COL5A1: variants seen among roughly 807,000 people sequenced by gnomAD.
The protein encoded by COL5A1 is collagen alpha-1(V) chain.
A neutral mutation model predicts 263.7 loss-of-function variants in COL5A1; 16 were observed. The ratio of observed to expected loss-of-function variants is 0.06; its 90% CI spans 0.04 to 0.09. The LOEUF (loss-of-function observed/expected upper bound fraction) is 0.09, where lower values mean the gene tolerates loss of function less well. Ranked by LOEUF, COL5A1 falls within the 10% of genes least tolerant of loss-of-function variation. COL5A1 has a pLI of 1.00. For synonymous variants in COL5A1, 1,012 were observed against 1,004.5 expected, an observed-to-expected ratio of 1.01 and a Z score of -0.14; for missense variants, 2,036 against 2,540.5, an observed-to-expected ratio of 0.80 and a Z score of 4.27.
chr9:134,779,707 G>A (rs1477850403), intron 27 of COL5A1, among the ~76,000 whole-genome samples: 2 of 152,208 alleles, frequency 1.3e-5, no homozygotes, highest in African/African-American at 4.8e-5. Context: ...ACCTAATCAA[G>A]TCTGCCTTAG....
chr9:134,744,591 A>G (rs533964672), intron 11 of COL5A1, among the ~76,000 whole-genome samples: 2 of 150,170 alleles, frequency 1.3e-5, no homozygotes, highest in Admixed American at 6.6e-5. Flanking sequence ...ACACTTACAC[A>G]TGCACACTCA....
chr9:134,765,181 GT>G lies in COL5A1; in HGVS notation c.2035-498del, dbSNP rs1836612802. Among the ~76,000 whole-genome samples the G allele has an allele frequency of 1.3e-5, 2 of 152,288 alleles. No homozygotes were observed. Among genetic ancestry groups the G allele is most frequent in the South Asian group, 4.1e-4 (2 of 4,824 alleles). ...CTCCTTCTGCACATTCAGTCTTGGGGTTCCCACCAGGGACTAGTTTCACCTG... is the reference window on the plus strand; with the variant it reads ...CTCCTTCTGCACATTCAGTCTTGGGGTCCCACCAGGGACTAGTTTCACCTG... On this transcript the variant is annotated intron_variant, in intron 20 of 65. Transcript: ENST00000371817. This position sits in a 1 kb window ranked among gnomAD's most constrained non-coding sequence, Gnocchi z 5.1.
intron 64 of COL5A1, among the ~76,000 whole-genome samples, chr9:134,834,246 G>A (rs1200862037): frequency 6.6e-6 from 1 of 152,214 alleles, no homozygotes; most frequent in Non-Finnish European, 1.5e-5. Context: ...CCCCGACCCA[G>A]CGATCGGGTG....
At chr9:134,643,629 G>C (rs968181027) in intron 1 of COL5A1, among the ~76,000 whole-genome samples, 1 of 152,062 alleles carries the variant, frequency 6.6e-6, no homozygotes, top group Non-Finnish European at 1.5e-5. Context: ...CTCATCCCTG[G>C]GCCGCCACCA....
chr9:134,656,127 C>A (rs1831963190), intron 1 of COL5A1, among the ~76,000 whole-genome samples: 1 of 152,150 alleles, frequency 6.6e-6, no homozygotes, highest in South Asian at 2.1e-4. Flanking sequence ...GGTGCAGGAG[C>A]CCCGGGGCCC....
chr9:134,761,630 G>T (rs1001340361), intron 18 of COL5A1, among the ~76,000 whole-genome samples: 4 of 152,174 alleles, frequency 2.6e-5, no homozygotes, highest in Admixed American at 6.5e-5. Flanking sequence ...CTCAGACCTC[G>T]GCTCAGTGTC....
At chr9:134,722,553 G>T (rs1330765430) in intron 4 of COL5A1, among the ~76,000 whole-genome samples, 3 of 152,192 alleles carry the variant, frequency 2.0e-5, no homozygotes, top group African/African-American at 7.2e-5. Flanking sequence ...TGGATCCAGG[G>T]GTGCATCAGG....
intron 9 of COL5A1, 73 bp downstream of exon 9, chr9:134,732,200 T>C (rs919805863): frequency 1.3e-6 from 2 of 1,534,982 alleles, no homozygotes; most frequent in African/African-American, 2.7e-5. Flanking sequence ...GTGTGTAGGG[T>C]GTGAACAGGT....
At chr9:134,829,907 T>C (rs2132907087) in intron 63 of COL5A1, 69 bp from the exon 64 acceptor site, 2 of 1,529,896 alleles carry the variant, frequency 1.3e-6, no homozygotes, top group East Asian at 4.7e-5. Flanking sequence ...GGGGCCTTGC[T>C]CTGGAGGCCG....
At position 134,651,076 on chromosome 9, in the gene COL5A1, C is replaced by T. The variant is rs548721932; in HGVS notation, c.109+8780C>T. Among the ~76,000 whole-genome samples, 23 of 152,354 alleles carry T rather than the reference C, an allele frequency of 1.5e-4. No homozygotes were observed. The South Asian group carries it at 1.7e-3, about 11-fold the overall frequency. ...CCTCCTGTTTGTTTGCTGGCGCCAGCCTCCATGGCAGCTGGGTCCCAGTGC... is the reference window on the plus strand; with the variant it reads ...CCTCCTGTTTGTTTGCTGGCGCCAGTCTCCATGGCAGCTGGGTCCCAGTGC... On this transcript the variant is annotated intron_variant, in intron 1 of 65. Transcript: ENST00000371817.
rs542039780 is a variant in COL5A1 at position 134,842,146 on chromosome 9, C to A, written c.5371-11C>A. 2 of 1,614,126 alleles carry A rather than the reference C, an allele frequency of 1.2e-6. No homozygotes were observed. The highest frequency in any genetic ancestry group is 2.2e-5 in the South Asian group (2 of 91,082). ...TCTTAACCACCGGCCATCTGTCTCCCTCTTCCCCAGACCAAGAAAGGCTAC... is the reference window on the plus strand; with the variant it reads ...TCTTAACCACCGGCCATCTGTCTCCATCTTCCCCAGACCAAGAAAGGCTAC... On this transcript the variant is annotated splice_polypyrimidine_tract_variant and intron_variant, in intron 65 of 65. Coordinates refer to ENST00000371817, the MANE Select transcript of COL5A1 (RefSeq NM_000093.5). The surrounding 1 kb of genome is among the most constrained non-coding windows in gnomAD (Gnocchi z 5.8).
rs149234919 is a variant in COL5A1 at position 134,786,126 on chromosome 9, G to A, written c.2646+78G>A. 370 of 1,320,816 alleles carry A rather than the reference G, an allele frequency of 2.8e-4. No homozygotes were observed. The African/African-American group carries it at 4.2e-3, about 15-fold the overall frequency. The allele number at this position is 1,320,816 out of a possible 1,614,324, so 81.8% of individuals were successfully genotyped here. Reference sequence around the variant, plus strand: ...CGGTCTCCCCACCCTGCATCCGGCCGTGTTAGGTGTCCCGGCACAGGTGGA... The same window carrying A: ...CGGTCTCCCCACCCTGCATCCGGCCATGTTAGGTGTCCCGGCACAGGTGGA... On this transcript the variant is annotated intron_variant, in intron 31 of 65. Transcript: ENST00000371817.
chr9:134,806,164 A>G (rs1329219114), intron 41 of COL5A1, 25 bp from the exon 42 acceptor site: 1 of 1,511,464 alleles, frequency 6.6e-7, no homozygotes, highest in African/African-American at 1.4e-5. Context: ...CCTTTGAAGC[A>G]GACTGTTTTC....
intron 11 of COL5A1, among the ~76,000 whole-genome samples, chr9:134,744,013 G>C (rs1835383724): frequency 6.6e-6 from 1 of 152,168 alleles, no homozygotes; most frequent in African/African-American, 2.4e-5. Context: ...TACACCCAGG[G>C]TGGGAGAGGA....
At chr9:134,749,080 T>C (rs903904312) in intron 11 of COL5A1, among the ~76,000 whole-genome samples, 3 of 152,122 alleles carry the variant, frequency 2.0e-5, no homozygotes, top group African/African-American at 7.2e-5. Flanking sequence ...CTACTAAATA[T>C]ACAAAAGTTA....
intron 1 of COL5A1, chr9:134,649,508 T>C (rs1831595308): frequency 6.4e-6 from 3 of 471,162 alleles, no homozygotes; most frequent in African/African-American, 6.0e-5. Context: ...CGTGTTCTTG[T>C]AGGGAAATTA....
At chr9:134,697,911 C>T (rs1047761772) in intron 2 of COL5A1, among the ~76,000 whole-genome samples, 4 of 152,132 alleles carry the variant, frequency 2.6e-5, no homozygotes, top group Admixed American at 2.6e-4. Context: ...TGGTGAAACC[C>T]CGTCTCTACC....
intron 32 of COL5A1, among the ~76,000 whole-genome samples, chr9:134,791,390 C>T (rs995286287): frequency 5.3e-5 from 8 of 152,224 alleles, no homozygotes; most frequent in Admixed American, 5.2e-4. Flanking sequence ...CTCTTCAGAG[C>T]CTCCCGTTCA....
rs561683407 is a variant in COL5A1 at position 134,754,536 on chromosome 9, C to A, written c.1827+210C>A. Among the ~76,000 whole-genome samples, 114 of 152,356 alleles carry A rather than the reference C, an allele frequency of 7.5e-4. No individual in the cohort carries two copies. Among genetic ancestry groups the A allele is most frequent in the Non-Finnish European group, 1.4e-3 (93 of 68,036 alleles). On this transcript the variant is annotated intron_variant, in intron 16 of 65. Transcript: ENST00000371817. The surrounding 1 kb of genome is among the most constrained non-coding windows in gnomAD (Gnocchi z 4.3). Reference sequence around the variant, plus strand: ...TGTCCTGGGCGCAGACACAGCGGACCAGGCCTCTTCCCTGGGCACATTCAT... The same window carrying A: ...TGTCCTGGGCGCAGACACAGCGGACAAGGCCTCTTCCCTGGGCACATTCAT...
Sources: gnomAD v4.1 joint callset for allele counts (sites outside exome capture counted in the v4.1 genomes callset) on GRCh38, gnomAD v4.1.1 for gene constraint, Gnocchi (gnomAD v3.1) non-coding constraint, MANE v1.5 for transcripts, NCBI Gene and HGNC (gene_info 2026-07-23, HGNC 2026-07-21) for gene names.